Variants in CNBD1 observed in about 807,000 individuals in gnomAD.
The protein encoded by CNBD1 is cyclic nucleotide binding domain containing 1.
In CNBD1, 71 loss-of-function variants were observed where a neutral mutation model predicts 54.4. That is an observed-to-expected ratio of 1.30 (90% CI 1.08 to 1.59). CNBD1 has a LOEUF of 1.59. Among genes scored for constraint, CNBD1 ranks in the 40% most tolerant of loss-of-function variants. CNBD1 has a pLI of 0.00. For missense variants in CNBD1, 659 were observed against 518.0 expected, an observed-to-expected ratio of 1.27 and a Z score of -2.64; for synonymous variants, 182 against 170.7, an observed-to-expected ratio of 1.07 and a Z score of -0.51.
At chr8:86,888,327 G>C (rs1182545467) in intron 2 of CNBD1, among the ~76,000 whole-genome samples, 1 of 152,082 alleles carries the variant, frequency 6.6e-6, no homozygotes, top group African/African-American at 2.4e-5. Flanking sequence ...AAGAAGGCAT[G>C]CAACTTTGAT....
rs1812906100 is a variant in CNBD1 at position 87,163,761 on chromosome 8, G to T, written c.432-42232G>T. On this transcript the variant is annotated intron_variant, in intron 4 of 10. Coordinates refer to ENST00000518476, the MANE Select transcript of CNBD1 (RefSeq NM_173538.3). This position sits in a 1 kb window ranked among gnomAD's most constrained non-coding sequence, Gnocchi z 4.5. ...TATAAGATTATGTCATCTGCAAAAA[G>T]ATAATTTTACTTTCTTATTTGGATG... 1.3e-5 allele frequency among the ~76,000 whole-genome samples: 2 copies of T among 151,644 alleles called. No homozygotes were observed. The highest frequency in any genetic ancestry group is 4.1e-4 in the South Asian group (2 of 4,822).
chr8:87,278,707 A>G (rs1808532630), intron 6 of CNBD1, among the ~76,000 whole-genome samples: 1 of 151,564 alleles, frequency 6.6e-6, no homozygotes, highest in South Asian at 2.1e-4. Flanking sequence ...TCAAGTACAG[A>G]AAAGTAGAAA....
chr8:86,985,851 A>T (rs2130517534), intron 4 of CNBD1, among the ~76,000 whole-genome samples: 1 of 152,212 alleles, frequency 6.6e-6, no homozygotes, highest in East Asian at 1.9e-4. Flanking sequence ...CCACAGCCTC[A>T]CCAGTACCTG....
chr8:87,082,653 C>CTG (rs372062301), intron 4 of CNBD1, among the ~76,000 whole-genome samples: 7,128 of 149,488 alleles, frequency 0.048, 332 homozygotes, highest in African/African-American at 0.13. Context: ...CAACTGAACC[C>CTG]TGTGTGTGTG....
At chr8:87,381,444 T>TG (rs973068921) in intron 10 of CNBD1, among the ~76,000 whole-genome samples, 1 of 151,972 alleles carries the variant, frequency 6.6e-6, no homozygotes, top group Non-Finnish European at 1.5e-5. Context: ...CACAAAATGA[T>TG]GTAGCCACTA....
intron 2 of CNBD1, among the ~76,000 whole-genome samples, chr8:87,403,330 G>A (rs971975314): frequency 2.6e-5 from 4 of 151,968 alleles, no homozygotes; most frequent in South Asian, 4.1e-4. Flanking sequence ...AATGGCAAGA[G>A]CATTCTCCTG....
chr8:87,291,661 G>T (rs916020207), intron 8 of CNBD1, among the ~76,000 whole-genome samples: 1 of 152,070 alleles, frequency 6.6e-6, no homozygotes, highest in East Asian at 1.9e-4. Context: ...GGGGTGAGGG[G>T]GCACAGGGGA....
intron 10 of CNBD1, among the ~76,000 whole-genome samples, chr8:87,365,877 C>T (rs761699258): frequency 3.9e-4 from 59 of 152,034 alleles, no homozygotes; most frequent in Non-Finnish European, 7.2e-4. Flanking sequence ...ATAATGTCTC[C>T]CACATTCTTT....
intron 4 of CNBD1, among the ~76,000 whole-genome samples, chr8:86,942,846 A>G (rs898334746): frequency 3.5e-4 from 53 of 152,190 alleles, no homozygotes; most frequent in African/African-American, 1.2e-3. Context: ...ATGGGGTTGT[A>G]TGCTTTATAA....
intron 3 of CNBD1, among the ~76,000 whole-genome samples, chr8:86,914,897 C>G (rs913841601): frequency 2.0e-5 from 3 of 152,186 alleles, no homozygotes; most frequent in Admixed American, 6.5e-5. Context: ...TGGCACATGT[C>G]TAGCATAGAA....
intron 3 of CNBD1, among the ~76,000 whole-genome samples, chr8:86,932,877 C>G (rs1177408637): frequency 6.6e-6 from 1 of 151,948 alleles, no homozygotes; most frequent in African/African-American, 2.4e-5. Context: ...GGTCCCTGGA[C>G]CCTGCTGTTT....
intron 8 of CNBD1, among the ~76,000 whole-genome samples, chr8:87,329,057 T>A (rs1035636232): frequency 1.3e-5 from 2 of 150,282 alleles, no homozygotes; most frequent in Non-Finnish European, 3.0e-5. Flanking sequence ...TTTTTTTTTA[T>A]TTTAAATTTA....
chr8:87,337,911 A>G (rs1307435292), intron 8 of CNBD1, among the ~76,000 whole-genome samples: 1 of 152,184 alleles, frequency 6.6e-6, no homozygotes, highest in Non-Finnish European at 1.5e-5. Context: ...CTAGTCAGCC[A>G]TCTTGACCCC....
intron 4 of CNBD1, among the ~76,000 whole-genome samples, chr8:86,953,008 C>T (rs974756785): frequency 1.3e-5 from 2 of 152,118 alleles, no homozygotes; most frequent in Non-Finnish European, 2.9e-5. Context: ...TTTAGTCTAG[C>T]GTTTTTCACT....
In CNBD1 at chr8:87,423,489, T is replaced by C. The variant is rs181095452; in HGVS notation, c.214-5057T>C. On this transcript the variant is annotated intron_variant, in intron 2 of 7. Coordinates refer to the CNBD1 transcript ENST00000521593. Reference sequence around the variant, plus strand: ...TATTGAGAGTTTTTAGCATGAAGGGTTGTTGAATTTTGTCAAAGGCCTTTT... The same window carrying C: ...TATTGAGAGTTTTTAGCATGAAGGGCTGTTGAATTTTGTCAAAGGCCTTTT... 7.1e-3 allele frequency among the ~76,000 whole-genome samples: 1,079 copies of C among 151,522 alleles called. 13 individuals are homozygous for C. The highest frequency in any genetic ancestry group is 0.025 in the African/African-American group (1,017 of 40,948).
chr8:87,375,967 TAAAAATTTA>T (rs1810922145), intron 10 of CNBD1, among the ~76,000 whole-genome samples: 1 of 151,934 alleles, frequency 6.6e-6, no homozygotes, highest in African/African-American at 2.4e-5. Context: ...CTTTCTGCGA[TAAAAATTTA>T]ATGGGCTAAT....
At chr8:87,382,521 C>A in intron 10 of CNBD1, 99 bp from the exon 11 acceptor site, 1 of 894,100 alleles carries the variant, frequency 1.1e-6, no homozygotes, top group Non-Finnish European at 1.8e-6. Flanking sequence ...ACCCCTCTGA[C>A]TCAGCAATGT....
rs1586299860 is a variant in CNBD1 at position 87,163,254 on chromosome 8, T to C, written c.432-42739T>C. ...TAACATAATTTGAAATCAGGAAGTG[T>C]GATGTCCCCAGCTTTGTTTTTCTTG... is the stretch of plus-strand genomic sequence containing the variant. On this transcript the variant is annotated intron_variant, in intron 4 of 10. Transcript: ENST00000518476. The surrounding 1 kb of genome is among the most constrained non-coding windows in gnomAD (Gnocchi z 4.5). 6.6e-6 allele frequency among the ~76,000 whole-genome samples: 1 copy of C among 152,178 alleles called. No individual in the cohort carries two copies. The highest frequency in any genetic ancestry group is 1.9e-4 in the East Asian group (1 of 5,160).
Position 87,025,179 on chromosome 8 carries a change from A to G in CNBD1, c.431+85425A>G, listed in dbSNP as rs571827150. On this transcript the variant is annotated intron_variant, in intron 4 of 10. Transcript: ENST00000518476. ...GTAAACGCACCAATCAGCACTCCGT[A>G]AAATGGACCAATCAGCACTCTGTAA... Among the ~76,000 whole-genome samples, 3 of 143,466 alleles carry G rather than the reference A, an allele frequency of 2.1e-5. No homozygotes were observed. The South Asian group carries it at 6.2e-4, about 30-fold the overall frequency. The allele number at this position is 143,466 out of a possible 152,430, so 94.1% of individuals were successfully genotyped here. A position where few individuals can be genotyped will look rare whatever the true frequency, so the allele number is the denominator to read the frequency against.
Sources: allele counts gnomAD v4.1 joint callset (sites outside exome capture counted in the v4.1 genomes callset), GRCh38; gene constraint gnomAD v4.1.1; non-coding constraint Gnocchi (gnomAD v3.1); transcripts MANE v1.5; gene names NCBI Gene and HGNC (gene_info 2026-07-23, HGNC 2026-07-21).